The following PDLIM5 variants were observed in gnomAD, a reference collection of about 807,000 sequenced individuals.
PDLIM5 encodes PDZ and LIM domain protein 5.
Under a neutral mutation model 64.2 loss-of-function variants are expected in PDLIM5, and 34 were observed. The observed-to-expected ratio is 0.53, with a 90% confidence interval of 0.40 to 0.71. The LOEUF (loss-of-function observed/expected upper bound fraction) is 0.71. Among genes scored for constraint, PDLIM5 ranks in the 30% least tolerant of loss-of-function variants. PDLIM5 has a pLI of 0.00. For synonymous variants in PDLIM5, 253 were observed against 269.1 expected, an observed-to-expected ratio of 0.94 and a Z score of 0.59; for missense variants, 683 against 733.6, an observed-to-expected ratio of 0.93 and a Z score of 0.80.
intron 2 of PDLIM5, among the ~76,000 whole-genome samples, chr4:94,505,945 C>T (rs1444799586): frequency 6.6e-6 from 1 of 152,182 alleles, no homozygotes; most frequent in Non-Finnish European, 1.5e-5. Context: ...GCCCCCTTCC[C>T]TTCCTAGAGG....
intron 3 of PDLIM5, among the ~76,000 whole-genome samples, chr4:94,568,496 A>G (rs920628924): frequency 9.9e-5 from 15 of 152,166 alleles, no homozygotes; most frequent in Admixed American, 3.3e-4. Flanking sequence ...TTTATTCTTG[A>G]ATACATCTAA....
At chr4:94,587,102 A>G (rs1736287537) in intron 7 of PDLIM5, 1 of 1,597,176 alleles carries the variant, frequency 6.3e-7, no homozygotes, top group Admixed American at 1.8e-5. Flanking sequence ...CTTGCCCCCC[A>G]AGCAGCCAGC....
chr4:94,585,654 A>T lies in PDLIM5; in HGVS notation c.800A>T (p.Asp267Val), dbSNP rs766480634. 6.2e-7 allele frequency: 1 copy of T among 1,613,184 alleles called. No homozygotes were observed. The highest frequency in any genetic ancestry group is 8.5e-7 in the Non-Finnish European group (1 of 1,179,496). Reference sequence around the variant, plus strand: ...GCCAGCAAGAAGAGACTGATTGAGGATACTGAAGACTGGCGTCCAAGGACT... The same window carrying T: ...GCCAGCAAGAAGAGACTGATTGAGGTTACTGAAGACTGGCGTCCAAGGACT... ...SDASKKRLIE[D>V]TEDWRPRTGT... is the part of the protein sequence containing the mutation. The change falls in exon 6 of 13, where the codon GAT becomes GTT. Residue 267 changes from aspartate to valine, a missense_variant. Transcript: ENST00000317968.
intron 3 of PDLIM5, among the ~76,000 whole-genome samples, chr4:94,537,704 G>A (rs776870824): frequency 1.3e-5 from 2 of 152,020 alleles, no homozygotes; most frequent in Non-Finnish European, 2.9e-5. Flanking sequence ...TTCATTAGTC[G>A]TGTAATCTTA....
chr4:94,546,984 A>G (rs1388043927), intron 3 of PDLIM5, among the ~76,000 whole-genome samples: 3 of 152,242 alleles, frequency 2.0e-5, no homozygotes, highest in East Asian at 3.9e-4. Flanking sequence ...AAAAAAATAT[A>G]TATCTAAAGT....
intron 2 of PDLIM5, among the ~76,000 whole-genome samples, chr4:94,505,204 A>C (rs1728282006): frequency 6.6e-6 from 1 of 152,048 alleles, no homozygotes; most frequent in African/African-American, 2.4e-5. Flanking sequence ...CTTAGATCTT[A>C]CAGATTGAGG....
At chr4:94,453,531 G>T (rs139894210) in intron 1 of PDLIM5, among the ~76,000 whole-genome samples, 1 of 152,176 alleles carries the variant, frequency 6.6e-6, no homozygotes, top group Non-Finnish European at 1.5e-5. Flanking sequence ...ACATTTTCTT[G>T]TAGGGAAGAA....
intron 11 of PDLIM5, among the ~76,000 whole-genome samples, chr4:94,658,825 C>G (rs958450991): frequency 6.6e-6 from 1 of 152,216 alleles, no homozygotes; most frequent in African/African-American, 2.4e-5. Context: ...AGCTGCCTTC[C>G]TCAATTCAAC....
Position 94,665,705 on chromosome 4 carries a change from C to G in PDLIM5, c.*1638C>G. On this transcript the variant is annotated 3_prime_UTR_variant, in exon 13 of 13. Coordinates refer to ENST00000317968, the MANE Select transcript of PDLIM5 (RefSeq NM_006457.5). ...TTGTTTCGTTTTGTTTCTTCTTCTG[C>G]ATTTAAAAATTAAAAGATTGGTTTG... 6 of 1,130,588 alleles carry G rather than the reference C, an allele frequency of 5.3e-6. No individual in the cohort carries two copies. Among genetic ancestry groups the G allele is most frequent in the Non-Finnish European group, 6.5e-6 (6 of 923,574 alleles). The allele number at this position is 1,130,588 out of a possible 1,614,324, so 70.0% of individuals were successfully genotyped here.
At position 94,504,092 on chromosome 4, in the gene PDLIM5, T is replaced by C. The variant is rs374728085; in HGVS notation, c.97-19632T>C. On this transcript the variant is annotated intron_variant, in intron 2 of 12. Coordinates refer to ENST00000317968, the MANE Select transcript of PDLIM5 (RefSeq NM_006457.5). ...ATTTACTAGTGTTATCACAGTCTAA[T>C]AGAAAGGTATTTTAGTATTTTCTTT... Among the ~76,000 whole-genome samples, 4 of 152,218 alleles carry C rather than the reference T, an allele frequency of 2.6e-5. No individual in the cohort carries two copies. In the East Asian group the frequency reaches 7.7e-4, roughly 29 times the overall value.
chr4:94,532,696 T>C (rs918049678), intron 3 of PDLIM5, among the ~76,000 whole-genome samples: 2 of 152,180 alleles, frequency 1.3e-5, no homozygotes, highest in Non-Finnish European at 2.9e-5. Flanking sequence ...CTCACTCTTT[T>C]GGCCTCCAAC....
In PDLIM5 at chr4:94,592,711, C is replaced by G. The variant is rs572448393; in HGVS notation, c.920+6267C>G. Among the ~76,000 whole-genome samples the G allele has an allele frequency of 2.6e-5, 4 of 152,228 alleles. No homozygotes were observed. In the East Asian group the frequency reaches 7.7e-4, roughly 29 times the overall value. On this transcript the variant is annotated intron_variant, in intron 7 of 12. Transcript: ENST00000317968. The stretch of plus-strand genomic sequence containing the variant: ...GGCGCCATCATGGCTCACTGCACCT[C>G]GACCTCCCAGGCTCAAGTGATCCTC...
rs752376368 is a variant in PDLIM5, at chr4:94,640,284, A to T, written c.1117A>T (p.Thr373Ser). ...TCTGTTTTAACTCCTAGTACCTTCC[A>T]CTGGAAGAATCTCAAACAGCGCTAC... ...WQRPNQGVPS[T>S]GRISNSATYS... Residue 373 changes from threonine (T) to serine (S), a missense_variant, in exon 9 of 13, where the codon ACT becomes TCT. Thr to Ser is a moderately conservative substitution (Grantham distance 58). Transcript: ENST00000317968. 4 of 1,598,152 alleles carry T rather than the reference A, an allele frequency of 2.5e-6. No homozygotes were observed. In the East Asian group the frequency reaches 8.9e-5, roughly 36 times the overall value.
chr4:94,567,239 C>T (rs897567645), intron 3 of PDLIM5, among the ~76,000 whole-genome samples: 3 of 152,178 alleles, frequency 2.0e-5, no homozygotes, highest in Admixed American at 2.0e-4. Flanking sequence ...GTGATCTGCC[C>T]ACCTTGGCCT....
intron 7 of PDLIM5, among the ~76,000 whole-genome samples, chr4:94,607,456 TAAAGA>T (rs1404946348): frequency 6.6e-6 from 1 of 152,136 alleles, no homozygotes; most frequent in African/African-American, 2.4e-5. Flanking sequence ...AAAATTAAAG[TAAAGA>T]ATACTCAAAA....
chr4:94,472,164 G>A (rs191589254), intron 2 of PDLIM5, among the ~76,000 whole-genome samples: 1,785 of 150,770 alleles, frequency 0.012, 39 homozygotes, highest in African/African-American at 0.041. Flanking sequence ...ACACACACGC[G>A]CACACACACA....
At chr4:94,560,031 C>G (rs984430774) in intron 3 of PDLIM5, among the ~76,000 whole-genome samples, 1 of 152,170 alleles carries the variant, frequency 6.6e-6, no homozygotes, top group Non-Finnish European at 1.5e-5. Context: ...TCTATGTGGA[C>G]TCCATTGCCA....
At chr4:94,600,878 C>G (rs2110349331) in intron 7 of PDLIM5, among the ~76,000 whole-genome samples, 1 of 152,172 alleles carries the variant, frequency 6.6e-6, no homozygotes, top group South Asian at 2.1e-4. Flanking sequence ...GCTTTAGACC[C>G]TATAGAACAT....
chr4:94,498,430 C>G (rs1480158020), intron 2 of PDLIM5, among the ~76,000 whole-genome samples: 1 of 152,184 alleles, frequency 6.6e-6, no homozygotes, highest in Non-Finnish European at 1.5e-5. Flanking sequence ...CTTGGACTTT[C>G]TGAGGAACTA....
Sources: allele counts gnomAD v4.1 joint callset (sites outside exome capture counted in the v4.1 genomes callset), GRCh38; gene constraint gnomAD v4.1.1; transcripts MANE v1.5; gene names NCBI Gene and HGNC (gene_info 2026-07-23, HGNC 2026-07-21).